Variants in SF1 observed in about 807,000 individuals in gnomAD.
SF1 encodes the protein branch point-binding protein.
In SF1, 7 loss-of-function variants were observed where a neutral mutation model predicts 62.5. The observed-to-expected ratio is 0.11, with a 90% CI of 0.06 to 0.21. The LOEUF is 0.21. Among genes scored for constraint, SF1 ranks in the 10% least tolerant of loss-of-function variants. The probability of loss-of-function intolerance (pLI) is 1.00; values close to 1 mark genes in which losing one functional copy is unlikely to be tolerated. For missense variants in SF1, 578 were observed against 884.0 expected (o/e 0.65, Z 4.39); for synonymous variants, 394 against 323.6 (o/e 1.22, Z -2.33).
chr11:64,767,739 C>A lies in SF1; in HGVS notation c.1174G>T (p.Gly392Cys). 1 of 1,613,162 alleles carries A rather than the reference C, an allele frequency of 6.2e-7. No individual in the cohort carries two copies. Among genetic ancestry groups the A allele is most frequent in the Non-Finnish European group, 8.5e-7 (1 of 1,179,594 alleles). The change falls in exon 10 of 13, where the codon GGT (glycine) becomes TGT (cysteine). Residue 392 changes from glycine to cysteine, a missense_variant. Gly to Cys is a radical substitution (Grantham distance 159). Around this residue, in one of 7 missense-constraint regions of SF1, gnomAD observed 410 missense variants for 452.4 expected, o/e 0.91. Coordinates refer to ENST00000377390, the MANE Select transcript of SF1 (RefSeq NM_004630.4). Reference protein sequence around the residue: ...MHGGGPGGPGGGPHSFPHPLP... With the variant: ...MHGGGPGGPGCGPHSFPHPLP... ...GGGTGTGGGAAGCTGTGGGGGCCAC[C>A]TCCGGGCCCACCAGGACCACCTCCA...
chr11:64,765,472 A>C lies in SF1; in HGVS notation c.*346T>G, dbSNP rs150183301. On this transcript the variant is annotated 3_prime_UTR_variant, in exon 13 of 13. Transcript: ENST00000377390. ...GGAAGGGTCACCAATGGGCGCGGAA[A>C]GTCCTCACTCTCATGGCTCGGGCCA... The C allele has an allele frequency of 1.7e-4, 280 of 1,613,314 alleles. No homozygotes were observed. Among genetic ancestry groups the C allele is most frequent in the Non-Finnish European group, 2.2e-4 (261 of 1,179,738 alleles).
At chr11:64,766,826 T>A in intron 12 of SF1, 74 bp downstream of exon 12, 1 of 1,237,376 alleles carries the variant, frequency 8.1e-7, no homozygotes, top group Non-Finnish European at 1.1e-6. Flanking sequence ...TGCCTGCTTG[T>A]GTGAGGCTCT....
At chr11:64,772,359 C>G in intron 3 of SF1, 1 of 982,768 alleles carries the variant, frequency 1.0e-6, no homozygotes, top group Non-Finnish European at 1.2e-6. Context: ...AAACGAAACA[C>G]AACACAACCC....
rs2058729352 is a variant in SF1 at position 64,767,064 on chromosome 11, G to A, written c.1418C>T (p.Pro473Leu). Residue 473 changes from proline to leucine, a missense_variant, in exon 12 of 13, where the codon CCA (proline) becomes CTA (leucine). Physicochemically the swap from Pro to Leu is moderately conservative, Grantham distance 98. Transcript: ENST00000377390. Reference sequence around the variant, plus strand: ...CGGCGGCGGCATCATGCCCATAGGTGGTGGCGGCATCATACCTGTGGACAG... The same window carrying A: ...CGGCGGCGGCATCATGCCCATAGGTAGTGGCGGCATCATACCTGTGGACAG... The part of the protein sequence containing the change: ...LHQGKGMMPP[P>L]PMGMMPPPPP... 1 of 1,584,424 alleles carries A rather than the reference G, an allele frequency of 6.3e-7. No individual in the cohort carries two copies. Among genetic ancestry groups the A allele is most frequent in the Admixed American group, 1.8e-5 (1 of 56,990 alleles).
In SF1 at chr11:64,765,980, C is replaced by T. The variant is rs772351411; in HGVS notation, c.1758G>A (p.Pro586=). The T allele has an allele frequency of 2.7e-5, 34 of 1,265,612 alleles. No homozygotes were observed. Among genetic ancestry groups the T allele is most frequent in the African/African-American group, 2.5e-4 (12 of 47,336 alleles). 78.4% of individuals were successfully genotyped at this position (1,265,612 alleles called of 1,614,324 possible). A position where few individuals can be genotyped will look rare whatever the true frequency, so the allele number is the denominator to read the frequency against. Residue 586 remains proline (P), a synonymous_variant, in exon 13 of 13, where the codon CCG becomes CCA. Transcript: ENST00000377390. ...TGCCGGCGGAACCAGGCGGTGGAGG[C>T]GGCGGAGGGGGAGGGGCCCCAGGCG... ...PLPPGAPPPP[P]PPPPGSAGMM...
chr11:64,774,052 A>C (rs936204352), intron 2 of SF1, among the ~76,000 whole-genome samples: 1 of 152,242 alleles, frequency 6.6e-6, no homozygotes. Flanking sequence ...TTAATAACAA[A>C]ATTCAACACC....
chr11:64,775,220 C>T (rs1938997642), intron 2 of SF1, among the ~76,000 whole-genome samples: 1 of 152,192 alleles, frequency 6.6e-6, no homozygotes, highest in Non-Finnish European at 1.5e-5. Flanking sequence ...TGGAGAACTA[C>T]ACCTCTCCTT....
Position 64,773,103 on chromosome 11 carries a change from CA to C in SF1, c.236+326del, listed in dbSNP as rs1426970507. 2.4e-5 allele frequency: 28 copies of C among 1,164,270 alleles called. No individual in the cohort carries two copies. The African/African-American group carries it at 4.5e-4, about 19-fold the overall frequency. 72.1% of individuals were successfully genotyped at this position (1,164,270 alleles called of 1,614,324 possible). On this transcript the variant is annotated intron_variant, in intron 3 of 12. Transcript: ENST00000377390. ...CTATGCCCTGGGCTTTTGGCCAAAG[CA>C]GGTACTGAAAAGGCAGGTTAACGGG...
At chr11:64,766,859 C>A in intron 12 of SF1, 41 bp downstream of exon 12, 2 of 604,400 alleles carry the variant, frequency 3.3e-6, no homozygotes, top group Non-Finnish European at 5.8e-6. Flanking sequence ...AGCCCCACCC[C>A]CATCCCACCC....
intron 2 of SF1, among the ~76,000 whole-genome samples, chr11:64,775,431 G>A (rs1160661089): frequency 6.6e-6 from 1 of 152,214 alleles, no homozygotes; most frequent in Non-Finnish European, 1.5e-5. Context: ...AGACACAATG[G>A]AATGGGTGGG....
At chr11:64,776,687 A>G in intron 1 of SF1, 61 bp from the exon 2 acceptor site, 1 of 1,516,192 alleles carries the variant, frequency 6.6e-7, no homozygotes. Context: ...CAGACAGCTA[A>G]GGGTATTTAA....
chr11:64,768,892 A>G, intron 8 of SF1, 130 bp downstream of exon 8: 1 of 732,392 alleles, frequency 1.4e-6, no homozygotes, highest in South Asian at 1.5e-5. Flanking sequence ...GCTTTAAATC[A>G]CACCATTACA....
chr11:64,771,726 C>T, intron 3 of SF1: 1 of 985,378 alleles, frequency 1.0e-6, no homozygotes, highest in Non-Finnish European at 1.2e-6. Flanking sequence ...ACATTTAAGT[C>T]TACAAGAAAA....
chr11:64,768,429 C>A (rs888019513), intron 8 of SF1, 143 bp from the exon 9 acceptor site: 1 of 747,994 alleles, frequency 1.3e-6, no homozygotes, highest in East Asian at 2.7e-5. Context: ...CCTTACTGGG[C>A]ATGGCTCTCA....
At chr11:64,770,491 C>T (rs1373831498) in intron 3 of SF1, 83 bp from the exon 4 acceptor site, 4 of 1,476,096 alleles carry the variant, frequency 2.7e-6, no homozygotes, top group Admixed American at 3.5e-5. Flanking sequence ...TTCCCAGCCC[C>T]TCTGCCTCTC....
rs2058599322 is a variant in SF1, at chr11:64,765,690, C to A, written c.*128G>T. Reference sequence around the variant, plus strand: ...CTTGGCCCAGCCCAGTGCGTGCACACACACACATGCGTGCACACACAATCA... The same window carrying A: ...CTTGGCCCAGCCCAGTGCGTGCACAAACACACATGCGTGCACACACAATCA... On this transcript the variant is annotated 3_prime_UTR_variant, in exon 13 of 13. Coordinates refer to ENST00000377390, the MANE Select transcript of SF1 (RefSeq NM_004630.4). 6.8e-7 allele frequency: 1 copy of A among 1,465,224 alleles called. No individual in the cohort carries two copies. Among genetic ancestry groups the A allele is most frequent in the Non-Finnish European group, 9.0e-7 (1 of 1,111,278 alleles). 90.8% of individuals were successfully genotyped at this position (1,465,224 alleles called of 1,614,324 possible).
chr11:64,776,934 A>G (rs922525564), intron 1 of SF1, among the ~76,000 whole-genome samples: 1 of 152,222 alleles, frequency 6.6e-6, no homozygotes, highest in African/African-American at 2.4e-5. Context: ...TTAGATAGAT[A>G]CTACATCAAC....
Position 64,767,773 on chromosome 11 carries a change from G to A in SF1, c.1140C>T (p.His380=), listed in dbSNP as rs776990766. ...CACCAGGACCACCTCCATGCATGCC[G>A]TGGTAGGGCCGACTCTCTGAAGGGC... is the stretch of plus-strand genomic sequence containing the variant. ...NSGPSESRPY[H]GMHGGGPGGP... Residue 380 remains histidine, a synonymous_variant, in exon 10 of 13, where the codon CAC becomes CAT. Coordinates refer to ENST00000377390, the MANE Select transcript of SF1 (RefSeq NM_004630.4). 7 of 1,613,796 alleles carry A rather than the reference G, an allele frequency of 4.3e-6. No homozygotes were observed. The highest frequency in any genetic ancestry group is 2.2e-5 in the East Asian group (1 of 44,874).
chr11:64,769,156 A>C (rs753919402), intron 7 of SF1, 27 bp from the exon 8 acceptor site: 4 of 1,610,700 alleles, frequency 2.5e-6, no homozygotes, highest in Non-Finnish European at 3.4e-6. Context: ...AGGTCAATGC[A>C]AGGGAACAAT....
Sources: gnomAD v4.1 joint callset for allele counts (sites outside exome capture counted in the v4.1 genomes callset) on GRCh38, gnomAD v4.1.1 for gene constraint, gnomAD v4.1.1 regional missense constraint, MANE v1.5 for transcripts, NCBI Gene and HGNC (gene_info 2026-07-23, HGNC 2026-07-21) for gene names.